Variants in PLXNA2 observed in about 807,000 individuals in gnomAD.
The protein encoded by PLXNA2 is plexin A2.
PLXNA2 carries 91 observed loss-of-function variants against 193.5 expected under a neutral mutation model. The observed-to-expected ratio is 0.47, with a 90% CI of 0.40 to 0.56. PLXNA2 has a LOEUF of 0.56. Among genes scored for constraint, PLXNA2 ranks in the 20% least tolerant of loss-of-function variants. PLXNA2 has a pLI of 0.00. For synonymous variants in PLXNA2, 997 were observed against 1,027.3 expected (o/e 0.97, Z 0.56); for missense variants, 1,995 against 2,503.2 (o/e 0.80, Z 4.33).
chr1:208,077,577 C>T (rs1413758521), intron 12 of PLXNA2, among the ~76,000 whole-genome samples: 1 of 152,168 alleles, frequency 6.6e-6, no homozygotes, highest in African/African-American at 2.4e-5. Flanking sequence ...GATGTAGAGA[C>T]TGACAACTGC....
intron 1 of PLXNA2, among the ~76,000 whole-genome samples, chr1:208,227,467 C>T (rs1671549043): frequency 6.6e-6 from 1 of 152,210 alleles, no homozygotes; most frequent in East Asian, 1.9e-4. Flanking sequence ...TACTATTCTA[C>T]ACTGCCTAGA....
rs571137083 is a variant in PLXNA2, at chr1:208,141,246, CCTTA to C, written c.1506+1079_1506+1082del. Among the ~76,000 whole-genome samples the C allele has an allele frequency of 4.3e-4, 66 of 152,330 alleles. 1 individual carries two copies. In the South Asian group the frequency reaches 0.011, roughly 26 times the overall value. On this transcript the variant is annotated intron_variant, in intron 4 of 31. Transcript: ENST00000367033. ...GCTGTCGTGTGCACACTTATCTCTT[CCTTA>C]CTTCTTCGCTCATCCCTCATCCCCT...
At chr1:208,187,021 T>C (rs1193445262) in intron 3 of PLXNA2, among the ~76,000 whole-genome samples, 1 of 152,162 alleles carries the variant, frequency 6.6e-6, no homozygotes, top group African/African-American at 2.4e-5. Context: ...GCGCCCGGCC[T>C]GCAATGTTAT....
At position 208,044,882 on chromosome 1, in the gene PLXNA2, G is replaced by T; in HGVS notation, c.3640-140C>A. ...AGCTCTAGATAAAAAGCAATTTCCT[G>T]CCTCGGCATCTGCCTTTCTTTTCTT... On this transcript the variant is annotated intron_variant, in intron 19 of 31. Transcript: ENST00000367033. The surrounding 1 kb of genome is among the most constrained non-coding windows in gnomAD (Gnocchi z 4.9). The T allele has an allele frequency of 1.0e-6, 1 of 989,028 alleles. No individual in the cohort carries two copies. Among genetic ancestry groups the T allele is most frequent in the Non-Finnish European group, 1.5e-6 (1 of 659,984 alleles). The allele number at this position is 989,028 out of a possible 1,614,324, so 61.3% of individuals were successfully genotyped here.
At position 208,083,388 on chromosome 1, in the gene PLXNA2, C is replaced by T. The variant is rs529695160; in HGVS notation, c.2299-880G>A. Reference sequence around the variant, plus strand: ...TGATGGAGACCTCGGGGCATCTTCCCGACCCCCCACTCTTCAGCTCTGAAG... The same window carrying T: ...TGATGGAGACCTCGGGGCATCTTCCTGACCCCCCACTCTTCAGCTCTGAAG... On this transcript the variant is annotated intron_variant, in intron 10 of 31. Coordinates refer to ENST00000367033, the MANE Select transcript of PLXNA2 (RefSeq NM_025179.4). Among the ~76,000 whole-genome samples, 54 of 152,262 alleles carry T rather than the reference C, an allele frequency of 3.5e-4. No individual in the cohort carries two copies. The South Asian group carries it at 5.4e-3, about 15-fold the overall frequency.
chr1:208,201,356 G>C (rs1308414093), intron 3 of PLXNA2, among the ~76,000 whole-genome samples: 1 of 152,202 alleles, frequency 6.6e-6, no homozygotes, highest in Non-Finnish European at 1.5e-5. Flanking sequence ...TGGGGAGGGG[G>C]TCAGTACATA....
At chr1:208,154,406 C>T (rs1668872199) in intron 3 of PLXNA2, among the ~76,000 whole-genome samples, 1 of 152,134 alleles carries the variant, frequency 6.6e-6, no homozygotes, top group Non-Finnish European at 1.5e-5. Context: ...CCTTAGGACT[C>T]CCCAAGTCCT....
At position 208,106,645 on chromosome 1, in the gene PLXNA2, GA is replaced by G. The variant is rs1245135313; in HGVS notation, c.1507-3399del. 1.2e-4 allele frequency among the ~76,000 whole-genome samples: 18 copies of G among 152,256 alleles called. No individual in the cohort carries two copies. The South Asian group carries it at 1.9e-3, about 16-fold the overall frequency. ...GATTTAGAGAGGAAAAGAAAAAAGG[GA>G]AAAAATTACATCAATAATTTTTATT... On this transcript the variant is annotated intron_variant, in intron 4 of 31. Coordinates refer to ENST00000367033, the MANE Select transcript of PLXNA2 (RefSeq NM_025179.4).
At chr1:208,233,921 G>A (rs1671770957) in intron 1 of PLXNA2, among the ~76,000 whole-genome samples, 1 of 152,190 alleles carries the variant, frequency 6.6e-6, no homozygotes. Flanking sequence ...ACCACACTGC[G>A]CAGCACCATG....
At chr1:208,040,286 G>A in intron 22 of PLXNA2, 1 of 567,502 alleles carries the variant, frequency 1.8e-6, no homozygotes. Flanking sequence ...GGAGAGGTTG[G>A]CCTTTTCAGC....
chr1:208,059,013 C>A (rs1368383941), intron 13 of PLXNA2, among the ~76,000 whole-genome samples: 2 of 152,180 alleles, frequency 1.3e-5, no homozygotes, highest in African/African-American at 2.4e-5. Context: ...TACCTCCCAC[C>A]CTCACCCCAT....
chr1:208,202,825 G>A (rs551681245), intron 3 of PLXNA2, among the ~76,000 whole-genome samples: 1 of 152,316 alleles, frequency 6.6e-6, no homozygotes, highest in South Asian at 2.1e-4. Context: ...GCCCCGAGCT[G>A]CAGGAGCTCA....
At position 208,038,360 on chromosome 1, in the gene PLXNA2, C is replaced by T. The variant is rs200788806; in HGVS notation, c.4764+11G>A. 3.2e-6 allele frequency: 5 copies of T among 1,555,438 alleles called. No homozygotes were observed. The highest frequency in any genetic ancestry group is 4.4e-6 in the Non-Finnish European group (5 of 1,126,382). On this transcript the variant is annotated intron_variant, in intron 26 of 31. Transcript: ENST00000367033. This position sits in a 1 kb window ranked among gnomAD's most constrained non-coding sequence, Gnocchi z 4.1. Reference sequence around the variant, plus strand: ...GGGAAGCTGAAGAGGGGAAAAGACACCCCCTCTCACCTGATAATGCATCAG... The same window carrying T: ...GGGAAGCTGAAGAGGGGAAAAGACATCCCCTCTCACCTGATAATGCATCAG...
At chr1:208,096,310 CA>C (rs1666885408) in intron 7 of PLXNA2, among the ~76,000 whole-genome samples, 185 bp from the exon 8 acceptor site, 1 of 152,158 alleles carries the variant, frequency 6.6e-6, no homozygotes, top group Admixed American at 6.5e-5. Flanking sequence ...AATACCAGCC[CA>C]CCCCTCAGAC....
chr1:208,111,124 C>T (rs1571928660), intron 4 of PLXNA2, among the ~76,000 whole-genome samples: 1 of 152,170 alleles, frequency 6.6e-6, no homozygotes, highest in Non-Finnish European at 1.5e-5. Flanking sequence ...AATCACAGCT[C>T]ACTGCAGTCT....
At chr1:208,037,443 C>T (rs1171251183) in intron 26 of PLXNA2, among the ~76,000 whole-genome samples, 1 of 152,222 alleles carries the variant, frequency 6.6e-6, no homozygotes, top group Non-Finnish European at 1.5e-5. Context: ...CCTGAGAGCC[C>T]AGCCTGCCAG....
At chr1:208,055,814 T>C (rs911770038) in intron 13 of PLXNA2, among the ~76,000 whole-genome samples, 3 of 152,228 alleles carry the variant, frequency 2.0e-5, no homozygotes, top group Non-Finnish European at 4.4e-5. Flanking sequence ...GATCTCCATC[T>C]CCTTCATAAC....
At chr1:208,090,312 G>A (rs10863695) in intron 9 of PLXNA2, among the ~76,000 whole-genome samples, 36,055 of 152,060 alleles carry the variant, frequency 0.24, 4,666 homozygotes, top group Admixed American at 0.33. Flanking sequence ...CTAACCCTAA[G>A]CCACAGACAT....
At chr1:208,144,940 G>C (rs1280481311) in intron 3 of PLXNA2, among the ~76,000 whole-genome samples, 3 of 152,048 alleles carry the variant, frequency 2.0e-5, no homozygotes, top group African/African-American at 4.8e-5. Context: ...CAATTCTGAT[G>C]ATGAGATTCA....
Sources: gnomAD v4.1 joint callset for allele counts (sites outside exome capture counted in the v4.1 genomes callset) on GRCh38, gnomAD v4.1.1 for gene constraint, Gnocchi (gnomAD v3.1) non-coding constraint, MANE v1.5 for transcripts, NCBI Gene and HGNC (gene_info 2026-07-23, HGNC 2026-07-21) for gene names.